GLIS1: variants seen among roughly 807,000 people sequenced by gnomAD.
The protein encoded by GLIS1 is GLIS family zinc finger 1.
GLIS1 carries 24 observed loss-of-function variants against 63.8 expected under a neutral mutation model. The observed-to-expected ratio is 0.38, with a 90% confidence interval of 0.27 to 0.53. The LOEUF (loss-of-function observed/expected upper bound fraction) is 0.53, where lower values mean the gene tolerates loss of function less well. Among genes scored for constraint, GLIS1 ranks in the 20% least tolerant of loss-of-function variants. GLIS1 has a pLI of 0.85. For missense variants in GLIS1, 1,036 were observed against 1,074.1 expected (o/e 0.96, Z 0.50); for synonymous variants, 450 against 482.5 (o/e 0.93, Z 0.88).
Position 53,545,086 on chromosome 1 carries a change from G to A in GLIS1, c.1321-15134C>T, listed in dbSNP as rs142300112. On this transcript the variant is annotated intron_variant, in intron 4 of 10. Coordinates refer to ENST00000628545, the MANE Select transcript of GLIS1 (RefSeq NM_001367484.1). ...ATTGTGGGAAACAGAGTGCTCAAGA[G>A]TCATCCAGACCTGGATTCAAATCCT... Among the ~76,000 whole-genome samples, 227 of 152,338 alleles carry A rather than the reference G, an allele frequency of 1.5e-3. 3 individuals are homozygous for A. The East Asian group carries it at 0.028, about 19-fold the overall frequency.
intron 2 of GLIS1, among the ~76,000 whole-genome samples, chr1:53,621,474 C>T (rs1645541763): frequency 6.6e-6 from 1 of 152,268 alleles, no homozygotes; most frequent in Non-Finnish European, 1.5e-5. Flanking sequence ...ATCTATTCTC[C>T]AAGTGCCAGT....
At chr1:53,735,154 A>C (rs1646901116) in intron 2 of GLIS1, among the ~76,000 whole-genome samples, 2 of 152,194 alleles carry the variant, frequency 1.3e-5, no homozygotes, top group African/African-American at 4.8e-5. Context: ...CTCTCCGGTC[A>C]CTGGGCAGCT....
At chr1:53,701,808 C>T (rs1396704836) in intron 2 of GLIS1, among the ~76,000 whole-genome samples, 3 of 152,038 alleles carry the variant, frequency 2.0e-5, no homozygotes, top group Non-Finnish European at 4.4e-5. Context: ...GCCTGCCCAG[C>T]ATGGAGAAAC....
chr1:53,668,832 A>C (rs1485917760), intron 2 of GLIS1, among the ~76,000 whole-genome samples: 1 of 152,154 alleles, frequency 6.6e-6, no homozygotes, highest in Non-Finnish European at 1.5e-5. Context: ...AAAATCACCT[A>C]CGACACGTCT....
chr1:53,699,150 C>T (rs753599092), intron 2 of GLIS1, among the ~76,000 whole-genome samples: 44 of 151,860 alleles, frequency 2.9e-4, no homozygotes, highest in Non-Finnish European at 4.3e-4. Flanking sequence ...CTGCATTCTC[C>T]GCTTCCCAGA....
chr1:53,619,411 G>A (rs1258545776), intron 2 of GLIS1, among the ~76,000 whole-genome samples: 1 of 152,210 alleles, frequency 6.6e-6, no homozygotes, highest in Non-Finnish European at 1.5e-5. Context: ...CCACAGGGTT[G>A]GCCATTCCCC....
intron 2 of GLIS1, among the ~76,000 whole-genome samples, chr1:53,645,047 T>C (rs1204035072): frequency 6.6e-6 from 1 of 152,178 alleles, no homozygotes; most frequent in Non-Finnish European, 1.5e-5. Context: ...ATAGGAAATG[T>C]CTGTGAAATA....
At chr1:53,641,535 C>T (rs1231134032) in intron 2 of GLIS1, among the ~76,000 whole-genome samples, 1 of 152,170 alleles carries the variant, frequency 6.6e-6, no homozygotes, top group Non-Finnish European at 1.5e-5. Flanking sequence ...TTGAAGAACT[C>T]ACTTGCCCTC....
chr1:53,601,808 C>T (rs774821692), intron 2 of GLIS1, among the ~76,000 whole-genome samples: 64 of 152,224 alleles, frequency 4.2e-4, no homozygotes, highest in Non-Finnish European at 8.2e-4. Flanking sequence ...TGTCCCTCAA[C>T]CCTAATTCTA....
At position 53,594,747 on chromosome 1, in the gene GLIS1, C is replaced by T. The variant is rs2100533475; in HGVS notation, c.681G>A (p.Gln227=). 1 of 1,582,422 alleles carries T rather than the reference C, an allele frequency of 6.3e-7. No homozygotes were observed. Among genetic ancestry groups the T allele is most frequent in the East Asian group, 2.2e-5 (1 of 44,542 alleles). Residue 227 remains glutamine (Q), a synonymous_variant, in exon 4 of 11, where the codon CAG becomes CAA. Transcript: ENST00000628545. ...TGCCCTCGGGGAGGTGGGTCTCGGG[C>T]TGGAGGCCCAGGCCAGAGCTGGGTT... ...GSEPSSGLGL[Q]PETHLPEGSL...
intron 2 of GLIS1, among the ~76,000 whole-genome samples, chr1:53,726,688 G>A (rs1453366159): frequency 6.6e-6 from 1 of 152,000 alleles, no homozygotes. Context: ...GATGCACCGA[G>A]GCAGCCCACA....
At position 53,531,121 on chromosome 1, in the gene GLIS1, C is replaced by T. The variant is rs529157361; in HGVS notation, c.1321-1169G>A. On this transcript the variant is annotated intron_variant, in intron 4 of 10. Transcript: ENST00000628545. Reference sequence around the variant, plus strand: ...AAGTCTGATGCCAAAGGCCAGGTGGCTCTGCTATGCCTGCTGCCTTCCTAG... The same window carrying T: ...AAGTCTGATGCCAAAGGCCAGGTGGTTCTGCTATGCCTGCTGCCTTCCTAG... Among the ~76,000 whole-genome samples the T allele has an allele frequency of 5.3e-5, 8 of 152,372 alleles. No homozygotes were observed. The South Asian group carries it at 1.0e-3, about 20-fold the overall frequency.
Position 53,577,215 on chromosome 1 carries a change from AC to A in GLIS1, c.1320+16892del, listed in dbSNP as rs1396261846. 2.0e-5 allele frequency among the ~76,000 whole-genome samples: 3 copies of A among 146,474 alleles called. No homozygotes were observed. In the East Asian group the frequency reaches 6.1e-4, roughly 30 times the overall value. On this transcript the variant is annotated intron_variant, in intron 4 of 10. Transcript: ENST00000628545. ...GGAGCTCCAGACTTGCGCATCCCCT[AC>A]CCCCCTGGGGCCCTCTGGCTGACAC...
chr1:53,549,232 C>T (rs1181091904), intron 4 of GLIS1, among the ~76,000 whole-genome samples: 3 of 152,224 alleles, frequency 2.0e-5, no homozygotes, highest in African/African-American at 7.2e-5. Flanking sequence ...ATGATGAATG[C>T]TGTTGTGAAC....
At position 53,707,224 on chromosome 1, in the gene GLIS1, G is replaced by A. The variant is rs1646588361; in HGVS notation, c.259+30582C>T. Among the ~76,000 whole-genome samples the A allele has an allele frequency of 3.9e-5, 6 of 152,172 alleles. No individual in the cohort carries two copies. In the South Asian group the frequency reaches 1.2e-3, roughly 32 times the overall value. On this transcript the variant is annotated intron_variant, in intron 2 of 10. Coordinates refer to ENST00000628545, the MANE Select transcript of GLIS1 (RefSeq NM_001367484.1). ...AGAAGATAAGGATGAGGTATGGGAA[G>A]TCACATAACCTAGAGCTCAAGTCCC...
intron 6 of GLIS1, among the ~76,000 whole-genome samples, chr1:53,522,986 CTTTTT>C (rs1553120127): frequency 2.3e-5 from 1 of 43,690 alleles, no homozygotes; most frequent in Admixed American, 3.1e-4. Flanking sequence ...TCTTTTCTTT[CTTTTT>C]TTTTTTTTTT....
At chr1:53,510,078 G>T (rs1170620748) in intron 8 of GLIS1, 51 bp from the exon 9 acceptor site, 20 of 1,104,480 alleles carry the variant, frequency 1.8e-5, no homozygotes, top group Middle Eastern at 3.1e-4. Context: ...GAGGGTGGGG[G>T]CCAGAGGCAG....
chr1:53,712,904 C>A (rs1646660391), intron 2 of GLIS1, among the ~76,000 whole-genome samples: 1 of 151,974 alleles, frequency 6.6e-6, no homozygotes, highest in African/African-American at 2.4e-5. Context: ...AAAAGGAGCC[C>A]AAATGTGAAT....
chr1:53,562,017 G>A (rs1331744791), intron 4 of GLIS1, among the ~76,000 whole-genome samples: 1 of 152,186 alleles, frequency 6.6e-6, no homozygotes, highest in East Asian at 1.9e-4. Context: ...CGGTTTCAAC[G>A]TCTTCCCATG....
Sources: gnomAD v4.1 joint callset for allele counts (sites outside exome capture counted in the v4.1 genomes callset) on GRCh38, gnomAD v4.1.1 for gene constraint, MANE v1.5 for transcripts, NCBI Gene and HGNC (gene_info 2026-07-23, HGNC 2026-07-21) for gene names.